The following REXO1 variants were observed in gnomAD, a reference collection of about 807,000 sequenced individuals.
REXO1 encodes the protein RNA exonuclease 1 homolog.
In REXO1, 42 loss-of-function variants were observed where a neutral mutation model predicts 102.6. The ratio of observed to expected loss-of-function variants is 0.41; its 90% CI spans 0.32 to 0.53. The LOEUF (loss-of-function observed/expected upper bound fraction) is 0.53, where lower values mean the gene tolerates loss of function less well. Among genes scored for constraint, REXO1 ranks in the 20% least tolerant of loss-of-function variants. The pLI is 0.27. For synonymous variants in REXO1, 908 were observed against 779.1 expected, an observed-to-expected ratio of 1.17 and a Z score of -2.76; for missense variants, 1,819 against 1,732.5, an observed-to-expected ratio of 1.05 and a Z score of -0.89.
At chr19:1,846,563 A>G (rs2145345519) in intron 1 of REXO1, among the ~76,000 whole-genome samples, 1 of 152,280 alleles carries the variant, frequency 6.6e-6, no homozygotes, top group East Asian at 1.9e-4. Context: ...TTGGGAAACA[A>G]ATGAGCCATT....
intron 1 of REXO1, among the ~76,000 whole-genome samples, chr19:1,834,334 C>G (rs2069981345): frequency 6.6e-6 from 1 of 152,180 alleles, no homozygotes; most frequent in South Asian, 2.1e-4. Flanking sequence ...GGAGTGGAGC[C>G]AGGCCCCCAA....
chr19:1,818,226 G>A (rs967141634), intron 10 of REXO1, among the ~76,000 whole-genome samples: 8 of 152,234 alleles, frequency 5.3e-5, no homozygotes, highest in Non-Finnish European at 1.2e-4. Flanking sequence ...GGAAGGCAGG[G>A]ACACAGGGCC....
intron 1 of REXO1, among the ~76,000 whole-genome samples, chr19:1,839,946 C>T (rs2011211910): frequency 6.6e-6 from 1 of 152,232 alleles, no homozygotes; most frequent in Admixed American, 6.5e-5. Context: ...CTCCCTAGGG[C>T]CTGCTCCTGA....
rs1199249223 is a variant in REXO1 at position 1,827,020 on chromosome 19, G to A, written c.1769C>T (p.Thr590Ile). The change falls in exon 2 of 16, where the codon ACC becomes ATC. Residue 590 changes from threonine (T) to isoleucine (I), a missense_variant. Coordinates refer to ENST00000170168, the MANE Select transcript of REXO1 (RefSeq NM_020695.4). ...GTCCACATCCGCCCCCGCGCTGGAG[G>A]TGGAGGAGGAGGAGGAGGAGGAGGA... is the stretch of plus-strand genomic sequence containing the variant. ...PSSSSSSSSS[T>I]SSAGADVDYS... 2 of 1,543,808 alleles carry A rather than the reference G, an allele frequency of 1.3e-6. No individual in the cohort carries two copies. The highest frequency in any genetic ancestry group is 8.7e-7 in the Non-Finnish European group (1 of 1,144,908).
chr19:1,818,405 G>GT, intron 10 of REXO1, 77 bp downstream of exon 10: 1 of 1,142,716 alleles, frequency 8.8e-7, no homozygotes, highest in South Asian at 1.4e-5. Context: ...CCTTACCCCA[G>GT]TTCTGGGGGC....
intron 1 of REXO1, among the ~76,000 whole-genome samples, chr19:1,841,539 G>C (rs982794599): frequency 2.0e-5 from 3 of 152,248 alleles, no homozygotes; most frequent in Non-Finnish European, 2.9e-5. Context: ...CAGGCTCAAG[G>C]GGGTAACGCC....
At chr19:1,842,659 T>C (rs1313122495) in intron 1 of REXO1, among the ~76,000 whole-genome samples, 1 of 152,090 alleles carries the variant, frequency 6.6e-6, no homozygotes, top group African/African-American at 2.4e-5. Flanking sequence ...AAAAACAGAA[T>C]CCAACCTCAT....
At chr19:1,817,866 CCTA>C in intron 10 of REXO1, 86 bp from the exon 11 acceptor site, 1 of 1,117,028 alleles carries the variant, frequency 9.0e-7, no homozygotes, top group Non-Finnish European at 1.3e-6. Context: ...TCTACCGAGC[CCTA>C]CTAGGGAGTG....
intron 10 of REXO1, among the ~76,000 whole-genome samples, chr19:1,818,262 G>A (rs765965158): frequency 3.9e-5 from 6 of 152,238 alleles, no homozygotes; most frequent in Non-Finnish European, 8.8e-5. Flanking sequence ...TTTGAACCTT[G>A]TCATGGGAAA....
Position 1,816,500 on chromosome 19 carries a change from C to G in REXO1, c.3387G>C (p.Leu1129=), listed in dbSNP as rs760851602. 6.2e-7 allele frequency: 1 copy of G among 1,612,530 alleles called. No individual in the cohort carries two copies. Among genetic ancestry groups the G allele is most frequent in the South Asian group, 1.1e-5 (1 of 91,086 alleles). Residue 1129 remains leucine (L), a synonymous_variant, in exon 14 of 16, where the codon CTG becomes CTC. Transcript: ENST00000170168. ...SVTLRDVQAV[L]LSMFSADTIL... is the part of the protein sequence containing the mutation. ...TGGTGTCAGCGCTGAACATGCTCAG[C>G]AGAACGGCCTGGACGTCACGCAGCG... is the stretch of plus-strand genomic sequence containing the variant.
chr19:1,816,483 G>C lies in REXO1; in HGVS notation c.3404C>G (p.Ala1135Gly), dbSNP rs2069366690. Reference protein sequence around the residue: ...VQAVLLSMFSADTILIGHSLE... With the variant: ...VQAVLLSMFSGDTILIGHSLE... ...GCTGTGTCCGATGAGGATGGTGTCA[G>C]CGCTGAACATGCTCAGCAGAACGGC... Residue 1135 changes from alanine to glycine, a missense_variant, in exon 14 of 16, where the codon GCT becomes GGT. Ala to Gly is a moderately conservative substitution (Grantham distance 60). Transcript: ENST00000170168. 6.2e-7 allele frequency: 1 copy of C among 1,612,494 alleles called. No individual in the cohort carries two copies. The highest frequency in any genetic ancestry group is 8.5e-7 in the Non-Finnish European group (1 of 1,179,788).
At chr19:1,831,125 C>T (rs1456558892) in intron 1 of REXO1, among the ~76,000 whole-genome samples, 1 of 152,202 alleles carries the variant, frequency 6.6e-6, no homozygotes. Context: ...GCAATCTGGC[C>T]TTCATTTATG....
At chr19:1,818,372 T>C (rs769085766) in intron 10 of REXO1, 110 bp downstream of exon 10, 20 of 779,420 alleles carry the variant, frequency 2.6e-5, no homozygotes, top group African/African-American at 3.5e-5. Context: ...GGACCCTGAG[T>C]GGGATGGAGG....
At chr19:1,847,035 G>T (rs1345113546) in intron 1 of REXO1, among the ~76,000 whole-genome samples, 1 of 152,174 alleles carries the variant, frequency 6.6e-6, no homozygotes, top group Admixed American at 6.5e-5. Flanking sequence ...TATGCTACGG[G>T]ATCTGTAGGC....
At chr19:1,848,153 A>G (rs2011642347) in intron 1 of REXO1, 49 bp downstream of exon 1, 8 of 983,804 alleles carry the variant, frequency 8.1e-6, no homozygotes, top group Non-Finnish European at 9.1e-6. Flanking sequence ...TGGGGTCCAG[A>G]CCCGGGCAGG....
rs1296775368 is a variant in REXO1 at position 1,837,186 on chromosome 19, G to A, written c.158-8555C>T. ...TCCCATAACAGACCCTCTGGGAAGA[G>A]GGGTCTGGAGGACAGCACCCCTGAA... On this transcript the variant is annotated intron_variant, in intron 1 of 15. Transcript: ENST00000170168. Among the ~76,000 whole-genome samples, 3 of 152,226 alleles carry A rather than the reference G, an allele frequency of 2.0e-5. No individual in the cohort carries two copies. The East Asian group carries it at 5.8e-4, about 29-fold the overall frequency.
intron 4 of REXO1, 109 bp from the exon 5 acceptor site, chr19:1,821,791 C>T (rs1354119036): frequency 1.1e-5 from 11 of 1,000,202 alleles, no homozygotes; most frequent in Admixed American, 2.7e-5. Context: ...TGCATCTCCG[C>T]GTGCAGGGGG....
At chr19:1,837,196 G>A (rs941525709) in intron 1 of REXO1, among the ~76,000 whole-genome samples, 10 of 152,198 alleles carry the variant, frequency 6.6e-5, no homozygotes, top group South Asian at 2.1e-4. Context: ...GGGGTCTGGA[G>A]GACAGCACCC....
chr19:1,825,971 A>T, intron 2 of REXO1, 28 bp from the exon 3 acceptor site: 1 of 1,541,858 alleles, frequency 6.5e-7, no homozygotes, highest in Non-Finnish European at 9.0e-7. Flanking sequence ...CCGTCAGCAC[A>T]GGTCTGCCCT....
Sources: allele counts gnomAD v4.1 joint callset (sites outside exome capture counted in the v4.1 genomes callset), GRCh38; gene constraint gnomAD v4.1.1; transcripts MANE v1.5; gene names NCBI Gene and HGNC (gene_info 2026-07-23, HGNC 2026-07-21).